The following COL19A1 variants were observed in gnomAD, a reference collection of about 807,000 sequenced individuals.
COL19A1 encodes collagen type XIX alpha 1 chain.
In COL19A1, 159 loss-of-function variants were observed where a neutral mutation model predicts 190.2. The ratio of observed to expected loss-of-function variants is 0.84; its 90% CI spans 0.73 to 0.95. The LOEUF (loss-of-function observed/expected upper bound fraction) is 0.95. Ranked by LOEUF, COL19A1 falls within the 40% of genes least tolerant of loss-of-function variation. The pLI is 0.00. For missense variants in COL19A1, 1,418 were observed against 1,431.9 expected (o/e 0.99, Z 0.16); for synonymous variants, 509 against 458.9 (o/e 1.11, Z -1.39).
At chr6:70,032,677 T>TA (rs1351903496) in intron 12 of COL19A1, among the ~76,000 whole-genome samples, 1 of 152,190 alleles carries the variant, frequency 6.6e-6, no homozygotes, top group Non-Finnish European at 1.5e-5. Context: ...AACAGTGTTT[T>TA]ATATTCATAA....
chr6:70,150,568 C>T (rs1786992918), intron 30 of COL19A1, among the ~76,000 whole-genome samples: 1 of 152,050 alleles, frequency 6.6e-6, no homozygotes, highest in African/African-American at 2.4e-5. Flanking sequence ...CTTTGAGCAA[C>T]AGTGAAACCC....
chr6:69,921,765 T>G (rs892728835), intron 4 of COL19A1, among the ~76,000 whole-genome samples: 2 of 147,660 alleles, frequency 1.4e-5, no homozygotes, highest in Admixed American at 1.4e-4. Flanking sequence ...CGTATGTAGA[T>G]TCGTATATGT....
intron 4 of COL19A1, among the ~76,000 whole-genome samples, chr6:69,925,128 G>A (rs1053447049): frequency 8.5e-5 from 13 of 152,276 alleles, no homozygotes; most frequent in Middle Eastern, 3.4e-3. Flanking sequence ...TGTTGCCATT[G>A]CTTTTGGTGT....
chr6:70,200,831 A>G (rs1274288830), intron 49 of COL19A1, among the ~76,000 whole-genome samples: 1 of 152,170 alleles, frequency 6.6e-6, no homozygotes. Context: ...ACCTATGACC[A>G]TGATTGCCAA....
chr6:70,086,682 A>G (rs1406896033), intron 15 of COL19A1, among the ~76,000 whole-genome samples: 2 of 152,240 alleles, frequency 1.3e-5, no homozygotes, highest in African/African-American at 4.8e-5. Flanking sequence ...AAACAAAAAC[A>G]TCACCAGATC....
intron 17 of COL19A1, among the ~76,000 whole-genome samples, chr6:70,128,408 C>G (rs939403514): frequency 6.6e-6 from 1 of 151,954 alleles, no homozygotes; most frequent in African/African-American, 2.4e-5. Context: ...TGAGGGAAGA[C>G]GAAGTCACAG....
At chr6:70,167,928 A>G in intron 37 of COL19A1, 97 bp from the exon 38 acceptor site, 1 of 866,004 alleles carries the variant, frequency 1.2e-6, no homozygotes, top group East Asian at 2.6e-5. Context: ...AAAGTAAAAA[A>G]TAGAATAGGA....
At position 70,041,080 on chromosome 6, in the gene COL19A1, T is replaced by C. The variant is rs562272733; in HGVS notation, c.1170+5141T>C. Among the ~76,000 whole-genome samples the C allele has an allele frequency of 2.5e-3, 375 of 152,284 alleles. 3 individuals are homozygous for C. The highest frequency in any genetic ancestry group is 8.5e-3 in the African/African-American group (355 of 41,556). On this transcript the variant is annotated intron_variant, in intron 14 of 50. Coordinates refer to ENST00000620364, the MANE Select transcript of COL19A1 (RefSeq NM_001858.6). ...TTCAGCCCAGAAGGTGGGAATGTGG[T>C]TGAATTACACACACAAAAAAGAAAG...
intron 11 of COL19A1, among the ~76,000 whole-genome samples, chr6:69,985,146 T>C (rs1430592253): frequency 6.6e-6 from 1 of 152,198 alleles, no homozygotes; most frequent in East Asian, 1.9e-4. Context: ...ACTGAATTCC[T>C]CACTATTGAA....
intron 1 of COL19A1, among the ~76,000 whole-genome samples, chr6:69,875,012 A>G (rs1369107927): frequency 1.3e-5 from 2 of 152,224 alleles, no homozygotes; most frequent in African/African-American, 2.4e-5. Context: ...AGTGATGGAC[A>G]AGACAGATAT....
At chr6:69,985,505 C>T (rs1776264317) in intron 11 of COL19A1, among the ~76,000 whole-genome samples, 1 of 151,738 alleles carries the variant, frequency 6.6e-6, no homozygotes, top group Non-Finnish European at 1.5e-5. Flanking sequence ...AAATTAGGAC[C>T]ACTTTAAAAT....
At position 70,153,963 on chromosome 6, in the gene COL19A1, AT is replaced by A. The variant is rs916699278; in HGVS notation, c.2080-2156del. On this transcript the variant is annotated intron_variant, in intron 31 of 50. Transcript: ENST00000620364. ...CATGAAGAGAGCTTTTTCACCCAGC[AT>A]TTTTTTTATGTACTTTAAGTTCTGG... is the stretch of plus-strand genomic sequence containing the variant. Among the ~76,000 whole-genome samples, 7 of 151,838 alleles carry A rather than the reference AT, an allele frequency of 4.6e-5. No homozygotes were observed. In the East Asian group the frequency reaches 5.8e-4, roughly 13 times the overall value.
chr6:69,894,466 T>C (rs898693942), intron 2 of COL19A1, among the ~76,000 whole-genome samples: 27 of 152,382 alleles, frequency 1.8e-4, no homozygotes, highest in African/African-American at 6.5e-4. Context: ...GCTTTTTTAA[T>C]TTCTCAAAGA....
chr6:69,908,279 G>T (rs1004737143), intron 4 of COL19A1, among the ~76,000 whole-genome samples: 1 of 152,176 alleles, frequency 6.6e-6, no homozygotes, highest in Non-Finnish European at 1.5e-5. Flanking sequence ...ATTCCATTAA[G>T]CTCTAGAGAA....
intron 11 of COL19A1, among the ~76,000 whole-genome samples, chr6:69,966,639 A>C (rs1394751460): frequency 1.3e-5 from 2 of 152,126 alleles, no homozygotes; most frequent in South Asian, 2.1e-4. Context: ...TGTGGAAGGC[A>C]GCAGGGCCCT....
At chr6:69,914,925 C>CT (rs536008572) in intron 4 of COL19A1, among the ~76,000 whole-genome samples, 5 of 151,962 alleles carry the variant, frequency 3.3e-5, no homozygotes, top group Non-Finnish European at 7.4e-5. Flanking sequence ...GTTTCTTCAT[C>CT]TTTTTTTTAT....
chr6:70,173,877 A>T (rs971461907), intron 41 of COL19A1, among the ~76,000 whole-genome samples: 7 of 152,176 alleles, frequency 4.6e-5, no homozygotes, highest in African/African-American at 1.7e-4. Flanking sequence ...GACTCAGTAG[A>T]GAGGGGGAAG....
In COL19A1 at chr6:69,938,105, G is replaced by GA. The variant is rs760132719; in HGVS notation, c.936+12dup. 7 of 1,609,498 alleles carry GA rather than the reference G, an allele frequency of 4.3e-6. No homozygotes were observed. Among genetic ancestry groups the GA allele is most frequent in the Admixed American group, 3.4e-5 (2 of 59,098 alleles). On this transcript the variant is annotated splice_donor_region_variant and intron_variant, in intron 9 of 50. Transcript: ENST00000620364. ...AAAGGGCATAAAGGAGAGCCGGTAA[G>GA]AAAAAAACAAATACTGATGGAGAAA...
intron 9 of COL19A1, among the ~76,000 whole-genome samples, chr6:69,953,967 T>C (rs1053428928): frequency 7.2e-5 from 11 of 152,006 alleles, no homozygotes; most frequent in Non-Finnish European, 1.2e-4. Flanking sequence ...TGATTTTAGA[T>C]ATTAGAGTTT....
Sources: allele counts gnomAD v4.1 joint callset (sites outside exome capture counted in the v4.1 genomes callset), GRCh38; gene constraint gnomAD v4.1.1; transcripts MANE v1.5; gene names NCBI Gene and HGNC (gene_info 2026-07-23, HGNC 2026-07-21).